The following DYRK4 variants were observed in gnomAD, a reference collection of about 807,000 sequenced individuals.
DYRK4 encodes dual specificity tyrosine phosphorylation regulated kinase 4.
DYRK4 carries 64 observed loss-of-function variants against 68.3 expected under a neutral mutation model. That is an observed-to-expected ratio of 0.94 (90% confidence interval 0.77 to 1.15). The LOEUF (loss-of-function observed/expected upper bound fraction) is 1.15, where lower values mean the gene tolerates loss of function less well. Among genes scored for constraint, DYRK4 ranks in the 50% most tolerant of loss-of-function variants. The pLI is 0.00. For missense variants in DYRK4, 740 were observed against 764.7 expected (o/e 0.97, Z 0.38); for synonymous variants, 274 against 289.9 (o/e 0.95, Z 0.56).
chr12:4,595,687 C>T (rs1277971099), intron 6 of DYRK4, among the ~76,000 whole-genome samples: 1 of 152,170 alleles, frequency 6.6e-6, no homozygotes, highest in Non-Finnish European at 1.5e-5. Flanking sequence ...GATAGAGACA[C>T]ATCAGGGGTC....
chr12:4,577,529 G>C (rs990833581), intron 2 of DYRK4, among the ~76,000 whole-genome samples: 1 of 152,146 alleles, frequency 6.6e-6, no homozygotes, highest in Non-Finnish European at 1.5e-5. Flanking sequence ...TGTCTTGATC[G>C]CTGTAGCTTT....
At chr12:4,599,502 C>G (rs1403920147) in intron 9 of DYRK4, 1 of 577,214 alleles carries the variant, frequency 1.7e-6, no homozygotes, top group Non-Finnish European at 3.1e-6. Flanking sequence ...AAAGCAGTGA[C>G]TATGAGGTCT....
At chr12:4,610,551 G>C (rs546725672) in intron 13 of DYRK4, 1 of 267,326 alleles carries the variant, frequency 3.7e-6, no homozygotes, top group African/African-American at 2.2e-5. Flanking sequence ...ACCTGCCCTG[G>C]AATACACAGC....
intron 12 of DYRK4, among the ~76,000 whole-genome samples, chr12:4,608,370 A>G (rs1412202994): frequency 6.6e-6 from 1 of 152,158 alleles, no homozygotes; most frequent in East Asian, 1.9e-4. Flanking sequence ...CTGATTTTCA[A>G]CTGCGAGCAG....
At chr12:4,584,790 C>T (rs1055669388) in intron 2 of DYRK4, among the ~76,000 whole-genome samples, 4 of 151,988 alleles carry the variant, frequency 2.6e-5, no homozygotes, top group Admixed American at 6.5e-5. Context: ...CTCCTGACCT[C>T]GTGATCCACC....
chr12:4,605,736 T>G (rs965753714), intron 11 of DYRK4, among the ~76,000 whole-genome samples: 1,818 of 135,430 alleles, frequency 0.013, 57 homozygotes, highest in African/African-American at 0.05. Flanking sequence ...TGGGTTTTTT[T>G]TTTTTTTTTT....
intron 10 of DYRK4, among the ~76,000 whole-genome samples, chr12:4,600,562 A>G (rs1340716779): frequency 2.7e-5 from 4 of 149,838 alleles, no homozygotes; most frequent in Non-Finnish European, 3.0e-5. Context: ...CCTGAGGCTG[A>G]AGACGGGACT....
intron 1 of DYRK4, among the ~76,000 whole-genome samples, chr12:4,567,022 T>G (rs989593883): frequency 6.6e-6 from 1 of 152,256 alleles, no homozygotes; most frequent in Non-Finnish European, 1.5e-5. Context: ...CTATCTTATT[T>G]TTTAAATGGC....
intron 10 of DYRK4, among the ~76,000 whole-genome samples, chr12:4,600,062 T>A (rs925967394): frequency 1.3e-5 from 2 of 152,194 alleles, no homozygotes; most frequent in African/African-American, 4.8e-5. Flanking sequence ...ACTGTGTATC[T>A]GAATTGCTTT....
chr12:4,562,324 GCGAGTA>G (rs1944634690), intron 1 of DYRK4, 41 bp downstream of exon 1: 1 of 1,523,988 alleles, frequency 6.6e-7, no homozygotes, highest in African/African-American at 1.4e-5. Flanking sequence ...GCAGTCAGGC[GCGAGTA>G]CGAGGCAGGC....
Position 4,599,152 on chromosome 12 carries a change from T to C in DYRK4, c.1030T>C (p.Cys344Arg). Residue 344 changes from cysteine to arginine, a missense_variant, in exon 9 of 15, where the codon TGT becomes CGT. By Grantham distance (180) the Cys-to-Arg change is radical. Coordinates refer to ENST00000543431, the MANE Select transcript of DYRK4 (RefSeq NM_001394779.1). ...GCTTTCGGTAGAGAAAATCATTCAC[T>C]GTGATCTCAAGCCCGTGAGTACCAT... ...QMLSVEKIIH[C>R]DLKPENIVLY... The C allele has an allele frequency of 6.2e-7, 1 of 1,614,076 alleles. No homozygotes were observed. The highest frequency in any genetic ancestry group is 8.5e-7 in the Non-Finnish European group (1 of 1,180,016).
rs35874260 is a variant in DYRK4, at chr12:4,575,299, C to CTGTGTG, written c.132+7269_132+7274dup. ...TTGCCAATTTACTAACAATAACTTA[C>CTGTGTG]TGTGTGTGTGTGTGTGTGTGTGTTT... On this transcript the variant is annotated intron_variant, in intron 2 of 14. Coordinates refer to ENST00000543431, the MANE Select transcript of DYRK4 (RefSeq NM_001394779.1). Among the ~76,000 whole-genome samples, 1,325 of 148,962 alleles carry CTGTGTG rather than the reference C, an allele frequency of 8.9e-3. 15 individuals are homozygous for CTGTGTG. The highest frequency in any genetic ancestry group is 0.031 in the African/African-American group (1,238 of 40,542).
intron 12 of DYRK4, 121 bp downstream of exon 12, chr12:4,607,508 C>A: frequency 9.1e-7 from 1 of 1,093,368 alleles, no homozygotes; most frequent in Non-Finnish European, 1.4e-6. Context: ...GAGCGTCTTT[C>A]AGAGAAGTAA....
chr12:4,592,938 C>T, intron 5 of DYRK4, 64 bp from the exon 6 acceptor site: 5 of 1,563,938 alleles, frequency 3.2e-6, no homozygotes, highest in South Asian at 2.4e-5. Context: ...ATGCCATCGT[C>T]TGCATCCGGG....
intron 1 of DYRK4, among the ~76,000 whole-genome samples, chr12:4,565,438 C>T (rs1160940408): frequency 6.6e-6 from 1 of 152,068 alleles, no homozygotes; most frequent in Non-Finnish European, 1.5e-5. Flanking sequence ...CATTATTTTG[C>T]AGATGAGGAA....
intron 1 of DYRK4, 149 bp downstream of exon 1, chr12:4,562,432 G>A (rs1944636376): frequency 6.6e-6 from 7 of 1,058,624 alleles, no homozygotes; most frequent in Middle Eastern, 2.1e-4. Context: ...AGAGAGAGGC[G>A]GGCTGTGGTG....
At chr12:4,571,141 T>C (rs956999886) in intron 2 of DYRK4, among the ~76,000 whole-genome samples, 1 of 152,168 alleles carries the variant, frequency 6.6e-6, no homozygotes, top group Non-Finnish European at 1.5e-5. Flanking sequence ...CAGCTTAGGC[T>C]ATGCCAGGAA....
At chr12:4,585,692 G>A (rs1944889949) in intron 2 of DYRK4, among the ~76,000 whole-genome samples, 1 of 152,174 alleles carries the variant, frequency 6.6e-6, no homozygotes, top group Non-Finnish European at 1.5e-5. Context: ...ATGAGTTAAT[G>A]GGTGCAGCAC....
chr12:4,590,666 T>C, intron 4 of DYRK4: 1 of 908,344 alleles, frequency 1.1e-6, no homozygotes, highest in Non-Finnish European at 1.5e-6. Flanking sequence ...TCAGGAGGAT[T>C]CATTGAGGAA....
Sources: allele counts gnomAD v4.1 joint callset (sites outside exome capture counted in the v4.1 genomes callset), GRCh38; gene constraint gnomAD v4.1.1; transcripts MANE v1.5; gene names NCBI Gene and HGNC (gene_info 2026-07-23, HGNC 2026-07-21).